The following CTNNA2 variants were observed in gnomAD, a reference collection of about 807,000 sequenced individuals.
The protein encoded by CTNNA2 is catenin alpha-2.
In CTNNA2, 42 loss-of-function variants were observed where a neutral mutation model predicts 101.0. The observed-to-expected ratio is 0.42, with a 90% CI of 0.32 to 0.54. The LOEUF is 0.54. Ranked by LOEUF, CTNNA2 falls within the 20% of genes least tolerant of loss-of-function variation. The probability of loss-of-function intolerance (pLI) is 0.14; values close to 1 mark genes in which losing one functional copy is unlikely to be tolerated. For missense variants in CTNNA2, 871 were observed against 1,223.1 expected (o/e 0.71, Z 4.29); for synonymous variants, 450 against 456.4 (o/e 0.99, Z 0.18).
chr2:79,613,182 G>A (rs1349643798), intron 1 of CTNNA2, among the ~76,000 whole-genome samples: 3 of 150,310 alleles, frequency 2.0e-5, no homozygotes, highest in Non-Finnish European at 3.0e-5. Context: ...AAAAAACGAT[G>A]TTTGTTTACA....
chr2:79,679,042 C>A (rs1318271416), intron 2 of CTNNA2, among the ~76,000 whole-genome samples: 1 of 152,020 alleles, frequency 6.6e-6, no homozygotes, highest in Non-Finnish European at 1.5e-5. Context: ...ACAATGTATA[C>A]CCGTATGATC....
chr2:79,536,890 C>T (rs764467681), intron 1 of CTNNA2, among the ~76,000 whole-genome samples: 10 of 151,946 alleles, frequency 6.6e-5, no homozygotes, highest in Non-Finnish European at 1.0e-4. Context: ...TTAGTAGAGA[C>T]GGGGTTTCAG....
intron 17 of CTNNA2, among the ~76,000 whole-genome samples, chr2:80,609,333 C>T (rs943356099): frequency 6.6e-6 from 1 of 151,584 alleles, no homozygotes; most frequent in Non-Finnish European, 1.5e-5. Flanking sequence ...GTTTTTGTTC[C>T]CATATTGTTT....
intron 2 of CTNNA2, among the ~76,000 whole-genome samples, chr2:79,667,925 A>G (rs1682535767): frequency 6.6e-6 from 1 of 152,172 alleles, no homozygotes; most frequent in African/African-American, 2.4e-5. Context: ...CTGAAGTCCT[A>G]TACCAACTGA....
chr2:80,030,633 A>T (rs534033582), intron 7 of CTNNA2: 1 of 152,182 alleles, frequency 6.6e-6, no homozygotes, highest in Admixed American at 6.5e-5. Context: ...AATAAACAAA[A>T]TCAACAAAGA....
At chr2:79,442,163 A>G (rs533232266) in intron 4 of CTNNA2, among the ~76,000 whole-genome samples, 1 of 152,298 alleles carries the variant, frequency 6.6e-6, no homozygotes, top group Admixed American at 6.5e-5. Flanking sequence ...TTCTTAATGT[A>G]TTTTATTATT....
chr2:80,102,006 A>T (rs1006911214), intron 7 of CTNNA2, among the ~76,000 whole-genome samples: 3 of 151,930 alleles, frequency 2.0e-5, no homozygotes, highest in Admixed American at 1.3e-4. Context: ...GTTAATTTTA[A>T]TTTTTTTGTG....
chr2:80,174,125 G>C (rs576555844), intron 7 of CTNNA2, among the ~76,000 whole-genome samples: 1 of 152,084 alleles, frequency 6.6e-6, no homozygotes, highest in African/African-American at 2.4e-5. Context: ...ATCAAATATG[G>C]CCTCAGAGAA....
chr2:80,076,273 T>G (rs1298283629), intron 7 of CTNNA2, among the ~76,000 whole-genome samples: 1 of 147,476 alleles, frequency 6.8e-6, no homozygotes, highest in Non-Finnish European at 1.5e-5. Flanking sequence ...TTGCATCATT[T>G]TTTCCTTTTT....
intron 1 of CTNNA2, among the ~76,000 whole-genome samples, chr2:79,519,669 C>T (rs986937103): frequency 2.6e-5 from 4 of 151,986 alleles, no homozygotes; most frequent in Non-Finnish European, 4.4e-5. Flanking sequence ...ACTTCTGCTG[C>T]ATAAGGAAAA....
intron 3 of CTNNA2, among the ~76,000 whole-genome samples, chr2:79,752,000 G>A (rs1487464544): frequency 2.0e-5 from 3 of 152,112 alleles, no homozygotes; most frequent in Non-Finnish European, 4.4e-5. Flanking sequence ...GCCAAAATTT[G>A]TTCTACATTT....
chr2:80,292,539 G>T (rs1363273226), intron 7 of CTNNA2, among the ~76,000 whole-genome samples: 1 of 152,052 alleles, frequency 6.6e-6, no homozygotes, highest in Non-Finnish European at 1.5e-5. Context: ...TTTGCAGGTT[G>T]CCAGGCACCT....
At chr2:80,276,596 T>G (rs1392547552) in intron 7 of CTNNA2, among the ~76,000 whole-genome samples, 1 of 150,558 alleles carries the variant, frequency 6.6e-6, no homozygotes, top group Non-Finnish European at 1.5e-5. Flanking sequence ...TAGCAGAAGA[T>G]GAAGGAGAGA....
intron 2 of CTNNA2, among the ~76,000 whole-genome samples, chr2:79,248,238 A>G (rs1364312042): frequency 6.6e-6 from 1 of 152,152 alleles, no homozygotes; most frequent in Non-Finnish European, 1.5e-5. Context: ...GGTGCTATTC[A>G]TTGGTAACAT....
chr2:79,375,280 G>A (rs1008520875), intron 4 of CTNNA2, among the ~76,000 whole-genome samples: 1 of 152,126 alleles, frequency 6.6e-6, no homozygotes, highest in Non-Finnish European at 1.5e-5. Context: ...GTTTCATCTT[G>A]TTGACCAAGT....
intron 9 of CTNNA2, among the ~76,000 whole-genome samples, chr2:80,536,298 T>C (rs1033526861): frequency 3.9e-5 from 6 of 152,210 alleles, no homozygotes; most frequent in Admixed American, 6.5e-5. Context: ...CCATCCTCTC[T>C]GTGGTTTTAT....
At chr2:79,527,462 C>T (rs1672477783) in intron 1 of CTNNA2, among the ~76,000 whole-genome samples, 1 of 121,298 alleles carries the variant, frequency 8.2e-6, no homozygotes, top group Admixed American at 9.0e-5. Flanking sequence ...AGACCCTTCT[C>T]TACTAAAAAT....
intron 7 of CTNNA2, among the ~76,000 whole-genome samples, chr2:80,157,804 T>C (rs1304586364): frequency 6.6e-6 from 1 of 152,106 alleles, no homozygotes; most frequent in Non-Finnish European, 1.5e-5. Flanking sequence ...TCCTGCAGTT[T>C]ACTGGTGTTC....
At position 80,417,758 on chromosome 2, in the gene CTNNA2, G is replaced by T. The variant is rs559905794; in HGVS notation, c.1138-1691G>T. On this transcript the variant is annotated intron_variant, in intron 8 of 18. Coordinates refer to ENST00000402739, the MANE Select transcript of CTNNA2 (RefSeq NM_001282597.3). ...TCTATTTTATAAGCATATCTTTCTG[G>T]CATGCTTTCAGTGTGCCTAGGGATG... Among the ~76,000 whole-genome samples the T allele has an allele frequency of 4.0e-5, 6 of 151,872 alleles. No individual in the cohort carries two copies. The South Asian group carries it at 1.2e-3, about 31-fold the overall frequency.
Sources: allele counts gnomAD v4.1 joint callset (sites outside exome capture counted in the v4.1 genomes callset), GRCh38; gene constraint gnomAD v4.1.1; transcripts MANE v1.5; gene names NCBI Gene and HGNC (gene_info 2026-07-23, HGNC 2026-07-21).